CNTN5: variants seen among roughly 807,000 people sequenced by gnomAD.
The protein encoded by CNTN5 is contactin-5.
In CNTN5, 77 loss-of-function variants were observed where a neutral mutation model predicts 129.1. The ratio of observed to expected loss-of-function variants is 0.60; its 90% CI spans 0.50 to 0.72. The LOEUF (loss-of-function observed/expected upper bound fraction) is 0.72, where lower values mean the gene tolerates loss of function less well. Ranked by LOEUF, CNTN5 falls within the 30% of genes least tolerant of loss-of-function variation. The pLI, the probability that CNTN5 is intolerant of heterozygous loss-of-function variation, is 0.00. For missense variants in CNTN5, 1,478 were observed against 1,328.8 expected, an observed-to-expected ratio of 1.11 and a Z score of -1.75; for synonymous variants, 509 against 465.6, an observed-to-expected ratio of 1.09 and a Z score of -1.20.
intron 6 of CNTN5, among the ~76,000 whole-genome samples, chr11:99,874,277 T>G (rs1318601662): frequency 6.6e-6 from 1 of 152,210 alleles, no homozygotes; most frequent in Non-Finnish European, 1.5e-5. Context: ...TTCCTTTTCT[T>G]AAACTCATCT....
At chr11:99,528,434 A>G (rs554083913) in intron 2 of CNTN5, among the ~76,000 whole-genome samples, 4 of 152,340 alleles carry the variant, frequency 2.6e-5, no homozygotes, top group African/African-American at 7.2e-5. Flanking sequence ...AGTTAGTGTG[A>G]GCACCAAGCT....
intron 17 of CNTN5, among the ~76,000 whole-genome samples, chr11:100,270,548 A>G (rs904607204): frequency 6.6e-6 from 1 of 152,234 alleles, no homozygotes; most frequent in African/African-American, 2.4e-5. Flanking sequence ...AAACAATGTT[A>G]TGCCCTGACA....
At chr11:99,276,600 TAAG>T (rs1863447299) in intron 1 of CNTN5, among the ~76,000 whole-genome samples, 1 of 151,594 alleles carries the variant, frequency 6.6e-6, no homozygotes, top group Non-Finnish European at 1.5e-5. Context: ...TATAAATTGT[TAAG>T]AAGAATGTCT....
intron 13 of CNTN5, among the ~76,000 whole-genome samples, chr11:100,107,750 TAG>T (rs1266446802): frequency 2.0e-5 from 3 of 152,152 alleles, no homozygotes; most frequent in East Asian, 3.9e-4. Flanking sequence ...TATCAAACGA[TAG>T]AGTTTATACA....
At chr11:100,159,372 T>C (rs1786930588) in intron 13 of CNTN5, among the ~76,000 whole-genome samples, 1 of 151,896 alleles carries the variant, frequency 6.6e-6, no homozygotes, top group South Asian at 2.1e-4. Context: ...AAATTTGTAC[T>C]TATTTTTAAA....
At chr11:99,294,915 C>T (rs1008237073) in intron 1 of CNTN5, among the ~76,000 whole-genome samples, 1 of 152,160 alleles carries the variant, frequency 6.6e-6, no homozygotes, top group African/African-American at 2.4e-5. Flanking sequence ...GCCAGGTTTT[C>T]ACTTACATGA....
At chr11:99,987,310 G>A (rs1273193670) in intron 8 of CNTN5, among the ~76,000 whole-genome samples, 1 of 151,814 alleles carries the variant, frequency 6.6e-6, no homozygotes, top group East Asian at 1.9e-4. Flanking sequence ...TGGAACAAAT[G>A]GGTAGAAATG....
At chr11:99,734,994 C>T (rs1412174287) in intron 3 of CNTN5, among the ~76,000 whole-genome samples, 1 of 147,798 alleles carries the variant, frequency 6.8e-6, no homozygotes, top group Non-Finnish European at 1.5e-5. Context: ...GGGGAAAGAG[C>T]GAGACTCCGT....
intron 2 of CNTN5, among the ~76,000 whole-genome samples, chr11:99,404,093 T>C (rs1260475505): frequency 6.6e-6 from 1 of 152,146 alleles, no homozygotes; most frequent in Admixed American, 6.6e-5. Context: ...ATTGATCCCT[T>C]AATCATTATA....
At chr11:99,696,981 C>T (rs181876313) in intron 3 of CNTN5, among the ~76,000 whole-genome samples, 7 of 151,894 alleles carry the variant, frequency 4.6e-5, no homozygotes, top group African/African-American at 1.7e-4. Context: ...ACCAAACAAA[C>T]CCTCTCTTGA....
intron 3 of CNTN5, among the ~76,000 whole-genome samples, chr11:99,728,419 A>G (rs1456452082): frequency 6.6e-6 from 1 of 152,194 alleles, no homozygotes; most frequent in African/African-American, 2.4e-5. Flanking sequence ...ACGGTAACAA[A>G]GACAAGAGTA....
chr11:99,374,865 T>C (rs75247970), intron 2 of CNTN5, among the ~76,000 whole-genome samples: 5,515 of 152,218 alleles, frequency 0.036, 179 homozygotes, highest in East Asian at 0.14. Flanking sequence ...CAAATGAATG[T>C]GTTGATACAC....
chr11:100,164,402 A>G (rs1156265449), intron 13 of CNTN5, among the ~76,000 whole-genome samples: 1 of 151,776 alleles, frequency 6.6e-6, no homozygotes, highest in Non-Finnish European at 1.5e-5. Flanking sequence ...AGAGATAGCT[A>G]TATCTTTCTT....
chr11:100,310,828 T>C (rs1951455962), intron 21 of CNTN5, among the ~76,000 whole-genome samples: 1 of 151,860 alleles, frequency 6.6e-6, no homozygotes, highest in African/African-American at 2.4e-5. Context: ...TCTGAAGTAC[T>C]AGCGTGCTGG....
intron 1 of CNTN5, among the ~76,000 whole-genome samples, chr11:99,065,789 AG>A (rs1865078501): frequency 6.6e-6 from 1 of 152,072 alleles, no homozygotes; most frequent in South Asian, 2.1e-4. Flanking sequence ...AAAAAAAAAA[AG>A]CTTGATTCTT....
intron 1 of CNTN5, among the ~76,000 whole-genome samples, chr11:99,179,317 C>G (rs1857932379): frequency 6.6e-6 from 1 of 152,054 alleles, no homozygotes; most frequent in African/African-American, 2.4e-5. Flanking sequence ...GGGTGCACAC[C>G]TGCAATCTCA....
At chr11:99,958,396 C>T (rs372187731) in intron 8 of CNTN5, among the ~76,000 whole-genome samples, 2 of 152,106 alleles carry the variant, frequency 1.3e-5, no homozygotes, top group East Asian at 3.9e-4. Context: ...GATGATTCTC[C>T]TCATCAGAAA....
intron 2 of CNTN5, among the ~76,000 whole-genome samples, chr11:99,434,347 C>A (rs1232906693): frequency 1.3e-5 from 2 of 152,094 alleles, no homozygotes. Context: ...TAGCAATATT[C>A]CATGCTTGAG....
intron 3 of CNTN5, among the ~76,000 whole-genome samples, chr11:99,624,147 T>C (rs1030891558): frequency 6.6e-6 from 1 of 152,112 alleles, no homozygotes; most frequent in Non-Finnish European, 1.5e-5. Flanking sequence ...GAATGTATTT[T>C]GTACTGTGTC....
Sources: gnomAD v4.1 joint callset for allele counts (sites outside exome capture counted in the v4.1 genomes callset) on GRCh38, gnomAD v4.1.1 for gene constraint, MANE v1.5 for transcripts, NCBI Gene and HGNC (gene_info 2026-07-23, HGNC 2026-07-21) for gene names.